The following USH2A variants were observed in gnomAD, a reference collection of about 807,000 sequenced individuals.
USH2A encodes the protein usherin, also known as Usher syndrome 2A (autosomal recessive, mild).
USH2A carries 443 observed loss-of-function variants against 538.9 expected under a neutral mutation model. The observed-to-expected ratio is 0.82, with a 90% CI of 0.76 to 0.89. The LOEUF is 0.89. Among genes scored for constraint, USH2A ranks in the 40% least tolerant of loss-of-function variants. The pLI is 0.00. For synonymous variants in USH2A, 2,413 were observed against 2,273.5 expected (o/e 1.06, Z -1.75); for missense variants, 6,633 against 6,324.8 (o/e 1.05, Z -1.65).
At chr1:215,803,938 A>G (rs1424824776) in intron 49 of USH2A, among the ~76,000 whole-genome samples, 4 of 152,238 alleles carry the variant, frequency 2.6e-5, no homozygotes, top group Non-Finnish European at 5.9e-5. Flanking sequence ...AAACAGAGAT[A>G]TAAACCAAAG....
At chr1:216,158,087 T>C (rs1440652255) in intron 21 of USH2A, among the ~76,000 whole-genome samples, 1 of 152,202 alleles carries the variant, frequency 6.6e-6, no homozygotes, top group Admixed American at 6.5e-5. Flanking sequence ...TTTTTATTTC[T>C]ATATGCAGTC....
Position 215,728,168 on chromosome 1 carries a change from C to T in USH2A, c.11928G>A (p.Thr3976=), listed in dbSNP as rs55961436. The T allele has an allele frequency of 0.011, 17,352 of 1,614,106 alleles. 147 individuals carry two copies. Among genetic ancestry groups the T allele is most frequent in the Non-Finnish European group, 0.011 (13,150 of 1,180,034 alleles). The change falls in exon 61 of 72, where the codon ACG becomes ACA. Residue 3976 remains threonine (T), a synonymous_variant. Coordinates refer to ENST00000307340, the MANE Select transcript of USH2A (RefSeq NM_206933.4). ...AATTCAACAGAACTGAATGAGCACT[C>T]GTGGCTTGAGCCCAAGGAGCTGGAA... The part of the protein sequence containing the change: ...QDFPAPWAQA[T]SAHSVLLNWT...
At chr1:215,905,178 G>A (rs920731503) in intron 38 of USH2A, among the ~76,000 whole-genome samples, 1 of 152,044 alleles carries the variant, frequency 6.6e-6, no homozygotes, top group Non-Finnish European at 1.5e-5. Flanking sequence ...CGTAGTTGGT[G>A]GCTACCAAGT....
chr1:216,195,650 A>T (rs1181741514), intron 19 of USH2A: 1 of 153,250 alleles, frequency 6.5e-6, no homozygotes, highest in Non-Finnish European at 1.5e-5. Context: ...TGGAAGGATC[A>T]GGAACTAGGA....
chr1:215,837,826 C>T (rs889367071), intron 47 of USH2A, among the ~76,000 whole-genome samples, 165 bp downstream of exon 47: 14 of 152,254 alleles, frequency 9.2e-5, no homozygotes, highest in African/African-American at 3.4e-4. Flanking sequence ...ATTGGATGTC[C>T]AGTGAAGATT....
At chr1:215,955,294 C>T (rs762676958) in intron 37 of USH2A, among the ~76,000 whole-genome samples, 7 of 152,042 alleles carry the variant, frequency 4.6e-5, no homozygotes, top group Non-Finnish European at 1.0e-4. Flanking sequence ...AATAGGTTTA[C>T]AATGGGAAGG....
chr1:215,976,981 C>A (rs1333725488), intron 35 of USH2A, among the ~76,000 whole-genome samples: 1 of 136,804 alleles, frequency 7.3e-6, no homozygotes, highest in Non-Finnish European at 1.6e-5. Flanking sequence ...TCCACCTGGT[C>A]CAGTTTTTTT....
intron 11 of USH2A, among the ~76,000 whole-genome samples, chr1:216,281,211 T>A (rs975885219): frequency 1.3e-5 from 2 of 150,054 alleles, no homozygotes; most frequent in Admixed American, 6.6e-5. Flanking sequence ...AATGTGGGGG[T>A]TTAAAGTCAG....
At chr1:216,107,698 T>C (rs1241134263) in intron 21 of USH2A, among the ~76,000 whole-genome samples, 1 of 150,660 alleles carries the variant, frequency 6.6e-6, no homozygotes, top group Non-Finnish European at 1.5e-5. Flanking sequence ...TTTTTTTTTT[T>C]GCATTTGCTG....
chr1:216,070,325 T>C (rs371423975), intron 29 of USH2A, 33 bp from the exon 30 acceptor site: 4 of 1,605,098 alleles, frequency 2.5e-6, no homozygotes, highest in South Asian at 2.2e-5. Context: ...ATAGGGAAAA[T>C]GGCAGTTCTG....
chr1:216,164,566 A>G (rs1467996899), intron 21 of USH2A, among the ~76,000 whole-genome samples: 2 of 152,146 alleles, frequency 1.3e-5, no homozygotes, highest in Admixed American at 6.6e-5. Context: ...ATAAGTACAC[A>G]TAACATTTAA....
chr1:215,772,484 G>A (rs1380405284), intron 55 of USH2A, among the ~76,000 whole-genome samples: 1 of 152,078 alleles, frequency 6.6e-6, no homozygotes, highest in African/African-American at 2.4e-5. Flanking sequence ...TTTTTTAAAG[G>A]AAAGAAGCAT....
At chr1:215,779,191 G>A (rs555089081) in intron 55 of USH2A, among the ~76,000 whole-genome samples, 8 of 152,132 alleles carry the variant, frequency 5.3e-5, no homozygotes, top group Non-Finnish European at 1.2e-4. Flanking sequence ...ACCTATTCGA[G>A]CAAGTAAGTC....
intron 44 of USH2A, among the ~76,000 whole-genome samples, chr1:215,846,275 T>A (rs556968569): frequency 6.6e-6 from 1 of 152,264 alleles, no homozygotes; most frequent in African/African-American, 2.4e-5. Context: ...TGCAGTAGTG[T>A]AATCTTGGCT....
At chr1:216,002,659 A>G (rs1372291953) in intron 32 of USH2A, among the ~76,000 whole-genome samples, 1 of 152,084 alleles carries the variant, frequency 6.6e-6, no homozygotes, top group Non-Finnish European at 1.5e-5. Flanking sequence ...CCGAGATTGG[A>G]TGCTACAAAA....
At chr1:216,326,306 T>C (rs770578743) in intron 5 of USH2A, among the ~76,000 whole-genome samples, 1 of 152,202 alleles carries the variant, frequency 6.6e-6, no homozygotes, top group Non-Finnish European at 1.5e-5. Flanking sequence ...TTCCCAGACA[T>C]TTCAGGTAGG....
intron 3 of USH2A, among the ~76,000 whole-genome samples, chr1:216,403,115 T>C (rs2039336679): frequency 6.6e-6 from 1 of 152,154 alleles, no homozygotes; most frequent in South Asian, 2.1e-4. Context: ...TTCAGGTATG[T>C]AAGGTTGGTT....
At chr1:215,659,308 A>G (rs1657367517) in intron 64 of USH2A, among the ~76,000 whole-genome samples, 1 of 152,176 alleles carries the variant, frequency 6.6e-6, no homozygotes, top group Non-Finnish European at 1.5e-5. Context: ...AGCATGTGCA[A>G]AGGCCTTAAG....
Position 216,113,152 on chromosome 1 carries a change from AAAAAC to A in USH2A, c.4628-15944_4628-15940del, listed in dbSNP as rs1287678117. Among the ~76,000 whole-genome samples the A allele has an allele frequency of 3.5e-4, 52 of 146,554 alleles. 1 individual carries two copies. The East Asian group carries it at 8.0e-3, about 23-fold the overall frequency. ...CTCCAAATGATAAAAAAAAAAAAAA[AAAAAC>A]AAAACAAGAAAGTAATATCCACCAG... On this transcript the variant is annotated intron_variant, in intron 21 of 71. Transcript: ENST00000307340.
Sources: gnomAD v4.1 joint callset for allele counts (sites outside exome capture counted in the v4.1 genomes callset) on GRCh38, gnomAD v4.1.1 for gene constraint, MANE v1.5 for transcripts, NCBI Gene and HGNC (gene_info 2026-07-23, HGNC 2026-07-21) for gene names.